TYW1: variants seen among roughly 807,000 people sequenced by gnomAD.
The protein encoded by TYW1 is tRNA-yW synthesizing protein 1 homolog, also known as S-adenosyl-L-methionine-dependent tRNA 4-demethylwyosine synthase TYW1.
TYW1 carries 46 observed loss-of-function variants against 96.2 expected under a neutral mutation model. The observed-to-expected ratio is 0.48, with a 90% CI of 0.38 to 0.61. TYW1 has a LOEUF of 0.61. Ranked by LOEUF, TYW1 falls within the 20% of genes least tolerant of loss-of-function variation. TYW1 has a pLI of 0.00. For missense variants in TYW1, 684 were observed against 909.6 expected, an observed-to-expected ratio of 0.75 and a Z score of 3.19; for synonymous variants, 274 against 323.0, an observed-to-expected ratio of 0.85 and a Z score of 1.63.
chr7:67,215,196 A>G lies in TYW1; in HGVS notation c.1977+19859A>G, dbSNP rs74487001. On this transcript the variant is annotated intron_variant, in intron 15 of 15. Coordinates refer to ENST00000359626, the MANE Select transcript of TYW1 (RefSeq NM_018264.4). The stretch of plus-strand genomic sequence containing the variant: ...TCTGTCTGTCTTCCTCCACCTGTTT[A>G]TCCCTTCCTCCTTCCTCTCTGGGCT... 4.3e-4 allele frequency among the ~76,000 whole-genome samples: 65 copies of G among 150,800 alleles called. 1 individual carries two copies. The East Asian group carries it at 0.01, about 24-fold the overall frequency.
At chr7:67,106,124 T>C (rs11765422) in intron 12 of TYW1, among the ~76,000 whole-genome samples, 44,659 of 152,038 alleles carry the variant, frequency 0.29, 7,323 homozygotes, top group African/African-American at 0.44. Flanking sequence ...CTCAAACTCC[T>C]GACCTCAGGT....
chr7:67,195,992 A>G (rs1800381118), intron 15 of TYW1, among the ~76,000 whole-genome samples: 2 of 151,930 alleles, frequency 1.3e-5, no homozygotes, highest in Admixed American at 6.6e-5. Context: ...TTCTCATTAT[A>G]TGTTCTCCTC....
intron 11 of TYW1, among the ~76,000 whole-genome samples, chr7:67,087,844 TTTTTA>T (rs950162942): frequency 1.3e-5 from 2 of 152,116 alleles, no homozygotes; most frequent in Non-Finnish European, 2.9e-5. Flanking sequence ...ATTTGTTTTC[TTTTTA>T]TTTTATTTTA....
intron 14 of TYW1, among the ~76,000 whole-genome samples, chr7:67,189,317 C>G (rs886347829): frequency 1.1e-5 from 1 of 89,078 alleles, no homozygotes; most frequent in African/African-American, 4.3e-5. Flanking sequence ...GTGTGTGCAT[C>G]TGTGTTGTGT....
chr7:67,238,673 C>T lies in TYW1; in HGVS notation c.*144C>T, dbSNP rs558475858. ...CGATAAGGCAGTAAACATGGAGACA[C>T]GGGGGACAGCGTCCACACTCAGAGG... On this transcript the variant is annotated 3_prime_UTR_variant, in exon 16 of 16. Coordinates refer to ENST00000359626, the MANE Select transcript of TYW1 (RefSeq NM_018264.4). 1.1e-4 allele frequency: 162 copies of T among 1,443,398 alleles called. 3 individuals are homozygous for T. In the South Asian group the frequency reaches 1.2e-3, roughly 11 times the overall value. 89.4% of individuals were successfully genotyped at this position (1,443,398 alleles called of 1,614,324 possible).
chr7:67,040,738 G>A (rs1314821067), intron 7 of TYW1, among the ~76,000 whole-genome samples: 1 of 151,986 alleles, frequency 6.6e-6, no homozygotes, highest in Non-Finnish European at 1.5e-5. Flanking sequence ...CCAGCTACTG[G>A]GAGGCTGAGG....
At chr7:67,038,022 C>T (rs1794894816) in intron 7 of TYW1, among the ~76,000 whole-genome samples, 2 of 148,132 alleles carry the variant, frequency 1.4e-5, no homozygotes, top group East Asian at 1.9e-4. Context: ...ATGCTCGGGC[C>T]GAGCTTGGTG....
At chr7:67,040,584 C>T (rs532387020) in intron 7 of TYW1, among the ~76,000 whole-genome samples, 57 of 152,190 alleles carry the variant, frequency 3.7e-4, no homozygotes, top group African/African-American at 1.3e-3. Flanking sequence ...GTGGCTCATG[C>T]CTGTAATCCT....
rs552679859 is a variant in TYW1 at position 67,025,140 on chromosome 7, G to A, written c.984+118G>A. 16 of 1,487,740 alleles carry A rather than the reference G, an allele frequency of 1.1e-5. No individual in the cohort carries two copies. In the South Asian group the frequency reaches 2.2e-4, roughly 20 times the overall value. 92.2% of individuals were successfully genotyped at this position (1,487,740 alleles called of 1,614,324 possible). On this transcript the variant is annotated intron_variant, in intron 7 of 15. Transcript: ENST00000359626. ...GAGGAGTTTCATTTCTCTAGCTTCTGTCTTGAGAGTTTTATAATTTTTTTG... is the reference window on the plus strand; with the variant it reads ...GAGGAGTTTCATTTCTCTAGCTTCTATCTTGAGAGTTTTATAATTTTTTTG...
Position 67,129,290 on chromosome 7 carries a change from G to A in TYW1, c.1698+11672G>A, listed in dbSNP as rs369025281. On this transcript the variant is annotated intron_variant, in intron 13 of 15. Coordinates refer to ENST00000359626, the MANE Select transcript of TYW1 (RefSeq NM_018264.4). ...TGGTTCCTGTTTCCCTCCCCTTACC[G>A]GAAGCACAAGGGATTTCCCCCTGTA... 6.9e-3 allele frequency among the ~76,000 whole-genome samples: 1,048 copies of A among 152,250 alleles called. 7 individuals carry two copies. Among genetic ancestry groups the A allele is most frequent in the African/African-American group, 0.024 (998 of 41,542 alleles).
intron 7 of TYW1, among the ~76,000 whole-genome samples, chr7:67,035,356 A>G (rs1228530638): frequency 6.6e-6 from 1 of 151,982 alleles, no homozygotes; most frequent in Non-Finnish European, 1.5e-5. Flanking sequence ...GCCTCAAATG[A>G]TCACCCGCCT....
chr7:67,235,818 C>T (rs1434661134), intron 15 of TYW1, among the ~76,000 whole-genome samples: 2 of 147,406 alleles, frequency 1.4e-5, no homozygotes, highest in Non-Finnish European at 3.0e-5. Context: ...GGCGAGAACC[C>T]GGGAGGCGGA....
At position 67,138,868 on chromosome 7, in the gene TYW1, A is replaced by G. The variant is rs187599285; in HGVS notation, c.1698+21250A>G. 8.6e-3 allele frequency among the ~76,000 whole-genome samples: 1,307 copies of G among 151,616 alleles called. 12 individuals carry two copies. The highest frequency in any genetic ancestry group is 0.014 in the Non-Finnish European group (949 of 67,928). On this transcript the variant is annotated intron_variant, in intron 13 of 15. Transcript: ENST00000359626. ...TATAAATACCACATTTTCTTTATCC[A>G]TTCATCTGCCATTGGATACTTAGGT... is the stretch of plus-strand genomic sequence containing the variant.
At chr7:67,034,421 C>A (rs1443636350) in intron 7 of TYW1, among the ~76,000 whole-genome samples, 1 of 152,002 alleles carries the variant, frequency 6.6e-6, no homozygotes, top group Non-Finnish European at 1.5e-5. Flanking sequence ...TAATTTAAAA[C>A]CCTGTTGACA....
intron 13 of TYW1, among the ~76,000 whole-genome samples, chr7:67,130,103 G>A (rs1045578781): frequency 6.6e-6 from 1 of 151,424 alleles, no homozygotes; most frequent in Non-Finnish European, 1.5e-5. Context: ...ATTATAGGCC[G>A]TGCGTGGTGG....
At chr7:67,024,665 T>A (rs1367900631) in intron 6 of TYW1, among the ~76,000 whole-genome samples, 8 of 151,594 alleles carry the variant, frequency 5.3e-5, no homozygotes, top group Non-Finnish European at 1.2e-4. Context: ...CCTGTGATCC[T>A]AGCTACTTGG....
At chr7:67,224,125 T>G (rs1460785874) in intron 15 of TYW1, among the ~76,000 whole-genome samples, 1 of 152,174 alleles carries the variant, frequency 6.6e-6, no homozygotes, top group African/African-American at 2.4e-5. Flanking sequence ...TGATACTTGT[T>G]TGTTTGTTTA....
intron 9 of TYW1, among the ~76,000 whole-genome samples, chr7:67,059,676 A>G (rs1795636390): frequency 6.7e-6 from 1 of 150,290 alleles, no homozygotes; most frequent in South Asian, 2.1e-4. Flanking sequence ...TCTTAACATT[A>G]GTGATTCCAT....
At chr7:67,181,764 A>G (rs573865348) in intron 13 of TYW1, among the ~76,000 whole-genome samples, 4 of 152,296 alleles carry the variant, frequency 2.6e-5, no homozygotes, top group South Asian at 2.1e-4. Flanking sequence ...TGTTGGTTAT[A>G]GGCAAGTCAC....
Sources: gnomAD v4.1 joint callset for allele counts (sites outside exome capture counted in the v4.1 genomes callset) on GRCh38, gnomAD v4.1.1 for gene constraint, MANE v1.5 for transcripts, NCBI Gene and HGNC (gene_info 2026-07-23, HGNC 2026-07-21) for gene names.